CYFIP1: variants seen among roughly 807,000 people sequenced by gnomAD.
CYFIP1 encodes cytoplasmic FMR1-interacting protein 1.
CYFIP1 carries 58 observed loss-of-function variants against 163.5 expected under a neutral mutation model. The ratio of observed to expected loss-of-function variants is 0.35; its 90% CI spans 0.29 to 0.44. CYFIP1 has a LOEUF of 0.44. CYFIP1 is among the 20% of genes least tolerant of loss of function. The probability of loss-of-function intolerance (pLI) is 1.00; values close to 1 mark genes in which losing one functional copy is unlikely to be tolerated. For missense variants in CYFIP1, 1,338 were observed against 1,653.8 expected (o/e 0.81, Z 3.31); for synonymous variants, 663 against 660.7 (o/e 1.00, Z -0.05).
In CYFIP1 at chr15:22,909,325, A is replaced by G. The variant is rs1361328262; in HGVS notation, c.2269-12T>C. 6.2e-7 allele frequency: 1 copy of G among 1,613,620 alleles called. No homozygotes were observed. Among genetic ancestry groups the G allele is most frequent in the Admixed American group, 1.7e-5 (1 of 59,996 alleles). On this transcript the variant is annotated splice_polypyrimidine_tract_variant and intron_variant, in intron 20 of 30. Transcript: ENST00000617928. Reference sequence around the variant, plus strand: ...GATCTGCCGAGGAGCTGGCGTACACAGGGAAGGATGGCAGGTAAAGAGTGG... The same window carrying G: ...GATCTGCCGAGGAGCTGGCGTACACGGGGAAGGATGGCAGGTAAAGAGTGG...
In CYFIP1 at chr15:22,881,859, C is replaced by T; in HGVS notation, c.2898G>A (p.Glu966=). The change falls in exon 25 of 31, where the codon GAG becomes GAA. Residue 966 remains glutamate (E), a synonymous_variant. Coordinates refer to ENST00000617928, the MANE Select transcript of CYFIP1 (RefSeq NM_014608.6). ...GCCCGCACTCACCAGGAGAGCCGTA[C>T]TCGTGCCGGGGCAGGCGGCAGATCT... ...MPKICRLPRH[E]YGSPGILEFF... 1 of 1,611,268 alleles carries T rather than the reference C, an allele frequency of 6.2e-7. No homozygotes were observed. Among genetic ancestry groups the T allele is most frequent in the Non-Finnish European group, 8.5e-7 (1 of 1,179,950 alleles).
chr15:22,940,089 G>A (rs1467114426), intron 6 of CYFIP1, among the ~76,000 whole-genome samples: 6 of 152,206 alleles, frequency 3.9e-5, no homozygotes, highest in Non-Finnish European at 8.8e-5. Context: ...CTAAGCCTGC[G>A]AGGTCTGGCA....
At chr15:22,914,548 A>G (rs1250816299) in intron 17 of CYFIP1, among the ~76,000 whole-genome samples, 178 bp downstream of exon 17, 1 of 151,908 alleles carries the variant, frequency 6.6e-6, no homozygotes, top group East Asian at 1.9e-4. Context: ...CGCATCAGCC[A>G]CCACACCAGG....
Position 22,912,269 on chromosome 15 carries a change from C to G in CYFIP1, c.1992G>C (p.Val664=), listed in dbSNP as rs1242751858. Residue 664 remains valine (V), a synonymous_variant, in exon 18 of 31, where the codon GTG becomes GTC. Coordinates refer to ENST00000617928, the MANE Select transcript of CYFIP1 (RefSeq NM_014608.6). ...ETKEASMMEY[V]LYSLDLYNDS... ...CATTGTACAGGTCCAGGGAGTAGAGCACGTACCTGCAGAGGACAGCAGCAG... is the reference window on the plus strand; with the variant it reads ...CATTGTACAGGTCCAGGGAGTAGAGGACGTACCTGCAGAGGACAGCAGCAG... 2 of 1,612,120 alleles carry G rather than the reference C, an allele frequency of 1.2e-6. No homozygotes were observed. The highest frequency in any genetic ancestry group is 2.7e-5 in the African/African-American group (2 of 74,866).
chr15:22,961,241 C>G (rs904886053), intron 1 of CYFIP1, among the ~76,000 whole-genome samples: 1 of 151,946 alleles, frequency 6.6e-6, no homozygotes, highest in Non-Finnish European at 1.5e-5. Context: ...AGGCTGGTCT[C>G]GAACTCCTGA....
At chr15:22,919,154 A>G (rs2061096512) in intron 13 of CYFIP1, among the ~76,000 whole-genome samples, 1 of 152,212 alleles carries the variant, frequency 6.6e-6, no homozygotes, top group African/African-American at 2.4e-5. Context: ...CAAATAGGAA[A>G]GAAGAAAAAG....
chr15:22,979,710 C>T (rs1417903613), intron 1 of CYFIP1, among the ~76,000 whole-genome samples: 2 of 152,180 alleles, frequency 1.3e-5, no homozygotes, highest in African/African-American at 4.8e-5. Flanking sequence ...AACAGTGCTG[C>T]CTCCGTAACG....
chr15:22,946,904 T>C (rs868241921), intron 3 of CYFIP1, 99 bp downstream of exon 3: 1 of 1,000,352 alleles, frequency 1.0e-6, no homozygotes. Context: ...CTCTTTTTCC[T>C]CACTGCATAG....
chr15:22,950,961 A>G (rs2062229804), intron 1 of CYFIP1, among the ~76,000 whole-genome samples: 1 of 152,118 alleles, frequency 6.6e-6, no homozygotes, highest in Non-Finnish European at 1.5e-5. Context: ...CTGTTCTATT[A>G]TTATTGTAAT....
At chr15:22,907,410 G>A (rs7174982) in intron 21 of CYFIP1, among the ~76,000 whole-genome samples, 49,752 of 152,042 alleles carry the variant, frequency 0.33, 9,377 homozygotes, top group African/African-American at 0.52. Flanking sequence ...ACAAACGATC[G>A]GCCTTCGGAA....
chr15:22,873,405 G>T, intron 29 of CYFIP1, 86 bp downstream of exon 29: 1 of 1,115,188 alleles, frequency 9.0e-7, no homozygotes, highest in Non-Finnish European at 1.3e-6. Context: ...GAGCATGGCT[G>T]GCTGCTTGTT....
At chr15:22,971,946 A>G (rs1389545283) in intron 1 of CYFIP1, among the ~76,000 whole-genome samples, 1 of 151,856 alleles carries the variant, frequency 6.6e-6, no homozygotes, top group Non-Finnish European at 1.5e-5. Context: ...AATGCAATCT[A>G]CAGATTCAAA....
intron 23 of CYFIP1, among the ~76,000 whole-genome samples, chr15:22,885,410 G>C (rs1375324686): frequency 6.6e-6 from 1 of 152,126 alleles, no homozygotes; most frequent in Non-Finnish European, 1.5e-5. Context: ...GCACTTTATT[G>C]TCCATAGCAC....
chr15:22,894,882 T>A (rs1030918057), intron 22 of CYFIP1, among the ~76,000 whole-genome samples: 2,231 of 145,804 alleles, frequency 0.015, 45 homozygotes, highest in African/African-American at 0.046. Flanking sequence ...TATATATTTT[T>A]TTTTTTTTTG....
chr15:22,944,978 G>T, intron 3 of CYFIP1, 39 bp from the exon 4 acceptor site: 2 of 1,569,362 alleles, frequency 1.3e-6, no homozygotes, highest in Non-Finnish European at 1.8e-6. Context: ...GCAGGCGGGG[G>T]AACTAGCATG....
intron 11 of CYFIP1, among the ~76,000 whole-genome samples, chr15:22,928,704 G>A (rs375031390): frequency 1.3e-5 from 2 of 152,342 alleles, no homozygotes; most frequent in East Asian, 3.9e-4. Flanking sequence ...AAGGGGCACC[G>A]TGGAGAAGGC....
At chr15:22,894,860 A>ATT (rs1491507004) in intron 22 of CYFIP1, among the ~76,000 whole-genome samples, 3 of 128,770 alleles carry the variant, frequency 2.3e-5, no homozygotes, top group East Asian at 4.2e-4. Context: ...TATATTATAT[A>ATT]TTTTATATAT....
At chr15:22,931,705 A>AAAAAAAAAAAAAC (rs2061543160) in intron 11 of CYFIP1, among the ~76,000 whole-genome samples, 1 of 150,296 alleles carries the variant, frequency 6.7e-6, no homozygotes, top group African/African-American at 2.5e-5. Context: ...AAAAAAAAAA[A>AAAAAAAAAAAAAC]AAAAAGCTTT....
Position 22,917,042 on chromosome 15 carries a change from A to G in CYFIP1, c.1675-412T>C. 6.5e-7 allele frequency: 1 copy of G among 1,530,048 alleles called. No individual in the cohort carries two copies. The highest frequency in any genetic ancestry group is 8.8e-7 in the Non-Finnish European group (1 of 1,136,802). 94.8% of individuals were successfully genotyped at this position (1,530,048 alleles called of 1,614,324 possible). A position where few individuals can be genotyped will look rare whatever the true frequency, so the allele number is the denominator to read the frequency against. ...GCACCAGGTAGAGCTAGACACGGAC[A>G]GACAGGAGGGAGAGGCAGGAGAGAG... On this transcript the variant is annotated intron_variant, in intron 15 of 30. Coordinates refer to ENST00000617928, the MANE Select transcript of CYFIP1 (RefSeq NM_014608.6). This position sits in a 1 kb window ranked among gnomAD's most constrained non-coding sequence, Gnocchi z 4.2.
Sources: allele counts gnomAD v4.1 joint callset (sites outside exome capture counted in the v4.1 genomes callset), GRCh38; gene constraint gnomAD v4.1.1; non-coding constraint Gnocchi (gnomAD v3.1); transcripts MANE v1.5; gene names NCBI Gene and HGNC (gene_info 2026-07-23, HGNC 2026-07-21).